The following SERGEF variants were observed in gnomAD, a reference collection of about 807,000 sequenced individuals.
SERGEF encodes secretion-regulating guanine nucleotide exchange factor.
In SERGEF, 51 loss-of-function variants were observed where a neutral mutation model predicts 50.0. The observed-to-expected ratio is 1.02, with a 90% confidence interval of 0.81 to 1.29. The LOEUF is 1.29. Ranked by LOEUF, SERGEF falls within the 50% of genes most tolerant of loss-of-function variation. The pLI is 0.00. For missense variants in SERGEF, 521 were observed against 557.0 expected (o/e 0.94, Z 0.65); for synonymous variants, 205 against 212.4 (o/e 0.97, Z 0.30).
intron 9 of SERGEF, among the ~76,000 whole-genome samples, chr11:17,891,845 C>T (rs1851535685): frequency 6.6e-6 from 1 of 152,176 alleles, no homozygotes; most frequent in African/African-American, 2.4e-5. Flanking sequence ...TTATTAAAAT[C>T]CTTTTGAGTT....
At chr11:17,941,284 G>C (rs1852557967) in intron 9 of SERGEF, among the ~76,000 whole-genome samples, 2 of 152,184 alleles carry the variant, frequency 1.3e-5, no homozygotes, top group Non-Finnish European at 2.9e-5. Context: ...GTGGTGTGAA[G>C]TATATTCGCA....
intron 9 of SERGEF, among the ~76,000 whole-genome samples, chr11:17,907,527 T>C (rs926564095): frequency 3.9e-5 from 6 of 152,234 alleles, no homozygotes; most frequent in African/African-American, 1.4e-4. Context: ...TCTTCTATTC[T>C]AAAAATGTAA....
At chr11:17,889,464 C>T (rs939061382) in intron 9 of SERGEF, among the ~76,000 whole-genome samples, 3 of 152,058 alleles carry the variant, frequency 2.0e-5, no homozygotes, top group African/African-American at 7.2e-5. Context: ...TCAGATAAAA[C>T]CAATTGAGGG....
At chr11:17,850,113 G>C (rs1015545) in intron 10 of SERGEF, among the ~76,000 whole-genome samples, 1 of 152,056 alleles carries the variant, frequency 6.6e-6, no homozygotes, top group Non-Finnish European at 1.5e-5. Context: ...ATGCGAGAGA[G>C]AGCTTATATT....
intron 10 of SERGEF, among the ~76,000 whole-genome samples, chr11:17,829,699 A>G (rs1241077974): frequency 2.0e-5 from 3 of 152,238 alleles, no homozygotes; most frequent in Non-Finnish European, 4.4e-5. Context: ...GTGAAAAAGT[A>G]AACCTACAAA....
intron 10 of SERGEF, among the ~76,000 whole-genome samples, chr11:17,797,704 G>A (rs943280450): frequency 2.0e-5 from 3 of 152,296 alleles, no homozygotes; most frequent in Admixed American, 1.3e-4. Context: ...ATAGGTTAGC[G>A]CTCAATGCTG....
chr11:17,793,845 C>T (rs752197794), intron 10 of SERGEF, among the ~76,000 whole-genome samples: 18 of 152,188 alleles, frequency 1.2e-4, no homozygotes, highest in Non-Finnish European at 1.8e-4. Context: ...TAGGCTGTGA[C>T]GAGTGATGGA....
At chr11:17,984,495 A>G (rs1853556115) in intron 8 of SERGEF, among the ~76,000 whole-genome samples, 1 of 152,204 alleles carries the variant, frequency 6.6e-6, no homozygotes, top group Non-Finnish European at 1.5e-5. Context: ...AATGTACCCC[A>G]ATGATCCAAT....
At chr11:17,821,395 T>C (rs1303326299) in intron 10 of SERGEF, among the ~76,000 whole-genome samples, 1 of 152,200 alleles carries the variant, frequency 6.6e-6, no homozygotes, top group East Asian at 1.9e-4. Context: ...ATCTCCCTCA[T>C]ACAAACTACG....
chr11:17,967,934 T>G (rs933736364), intron 8 of SERGEF, among the ~76,000 whole-genome samples: 1 of 152,226 alleles, frequency 6.6e-6, no homozygotes, highest in Non-Finnish European at 1.5e-5. Flanking sequence ...AGGGCCTAGC[T>G]TAAATGCTGC....
intron 9 of SERGEF, among the ~76,000 whole-genome samples, chr11:17,928,266 C>CA (rs1852287404): frequency 6.6e-6 from 1 of 152,108 alleles, no homozygotes. Context: ...ACTTCAGTCT[C>CA]AGTTGGAATC....
intron 8 of SERGEF, among the ~76,000 whole-genome samples, chr11:17,980,455 C>T (rs1271744635): frequency 1.3e-5 from 2 of 151,890 alleles, no homozygotes; most frequent in African/African-American, 4.9e-5. Flanking sequence ...GGTAAGTGAT[C>T]TTATTAACTT....
At chr11:17,790,883 T>C (rs1358784573) in intron 10 of SERGEF, among the ~76,000 whole-genome samples, 2 of 152,234 alleles carry the variant, frequency 1.3e-5, no homozygotes, top group African/African-American at 4.8e-5. Flanking sequence ...GCGCTTTCTG[T>C]TGATTACCCG....
chr11:18,001,453 T>C (rs916792774), intron 4 of SERGEF, among the ~76,000 whole-genome samples: 1 of 152,222 alleles, frequency 6.6e-6, no homozygotes, highest in Admixed American at 6.5e-5. Context: ...CCAGATGCTA[T>C]GTCTGAAAAG....
intron 10 of SERGEF, among the ~76,000 whole-genome samples, chr11:17,862,235 A>G (rs539796999): frequency 6.6e-6 from 1 of 152,198 alleles, no homozygotes; most frequent in African/African-American, 2.4e-5. Context: ...TTCAAGGATC[A>G]TCTCTTCTAA....
chr11:17,967,014 G>A (rs558178675), intron 8 of SERGEF, among the ~76,000 whole-genome samples: 2 of 152,288 alleles, frequency 1.3e-5, no homozygotes, highest in South Asian at 4.1e-4. Flanking sequence ...CTAGTAAGTG[G>A]CACAGCTGCA....
intron 10 of SERGEF, among the ~76,000 whole-genome samples, chr11:17,832,834 A>G (rs1850335126): frequency 6.6e-6 from 1 of 152,200 alleles, no homozygotes; most frequent in Non-Finnish European, 1.5e-5. Flanking sequence ...AACTTTGGAA[A>G]GAGATGATTT....
intron 9 of SERGEF, among the ~76,000 whole-genome samples, 173 bp downstream of exon 9, chr11:17,959,297 T>G (rs1401969778): frequency 6.6e-6 from 1 of 152,228 alleles, no homozygotes; most frequent in Admixed American, 6.5e-5. Context: ...TACAGTTATC[T>G]GGGTGACTGA....
At chr11:17,918,140 G>C (rs1053528551) in intron 9 of SERGEF, among the ~76,000 whole-genome samples, 2 of 152,182 alleles carry the variant, frequency 1.3e-5, no homozygotes, top group African/African-American at 4.8e-5. Context: ...CCCGAAGTCT[G>C]TGTTCCTTTC....
Sources: gnomAD v4.1 joint callset for allele counts (sites outside exome capture counted in the v4.1 genomes callset) on GRCh38, gnomAD v4.1.1 for gene constraint, MANE v1.5 for transcripts, NCBI Gene and HGNC (gene_info 2026-07-23, HGNC 2026-07-21) for gene names.